Variants in FBN2 observed in about 807,000 individuals in gnomAD.
FBN2 encodes the protein fibrillin 2.
In FBN2, 105 loss-of-function variants were observed where a neutral mutation model predicts 355.6. The ratio of observed to expected loss-of-function variants is 0.30; its 90% CI spans 0.25 to 0.35. The LOEUF is 0.35. Among genes scored for constraint, FBN2 ranks in the 10% least tolerant of loss-of-function variants. The probability of loss-of-function intolerance (pLI) is 1.00; values close to 1 mark genes in which losing one functional copy is unlikely to be tolerated. For missense variants in FBN2, 3,280 were observed against 3,758.7 expected (o/e 0.87, Z 3.33); for synonymous variants, 1,350 against 1,301.2 (o/e 1.04, Z -0.81).
In FBN2 at chr5:128,312,725, C is replaced by G; in HGVS notation, c.4788G>C (p.Glu1596Asp). ...RGDGSLSCNT[E>D]IGVGVSRSSC... is the part of the protein sequence containing the mutation. ...AAGAGCGACTGACGCCCACCCCGAT[C>G]TCGGTGTTGCAAGACAGACTCCCAT... The change falls in exon 37 of 65, where the codon GAG becomes GAC. Residue 1596 changes from glutamate (E) to aspartate (D), a missense_variant. Glu to Asp is a conservative substitution (Grantham distance 45). Around this residue, in one of 6 missense-constraint regions of FBN2, gnomAD observed 2,284 missense variants for 2,749.5 expected, o/e 0.83. Coordinates refer to ENST00000262464, the MANE Select transcript of FBN2 (RefSeq NM_001999.4). 6.2e-7 allele frequency: 1 copy of G among 1,614,026 alleles called. No homozygotes were observed. The highest frequency in any genetic ancestry group is 1.1e-5 in the South Asian group (1 of 91,070).
intron 7 of FBN2, among the ~76,000 whole-genome samples, chr5:128,445,850 A>C (rs1165121021): frequency 6.6e-6 from 1 of 152,158 alleles, no homozygotes; most frequent in Admixed American, 6.5e-5. Context: ...ATAACAAATA[A>C]ATTTATTCTA....
At chr5:128,426,592 A>G (rs1753488167) in intron 7 of FBN2, among the ~76,000 whole-genome samples, 1 of 152,176 alleles carries the variant, frequency 6.6e-6, no homozygotes, top group African/African-American at 2.4e-5. Context: ...AGGTTTTCCA[A>G]TCCCCTTCAG....
intron 34 of FBN2, among the ~76,000 whole-genome samples, chr5:128,321,573 G>A (rs1268052681): frequency 6.6e-6 from 1 of 152,164 alleles, no homozygotes; most frequent in Non-Finnish European, 1.5e-5. Flanking sequence ...TTAGTTTGCT[G>A]AGAATGATGG....
At chr5:128,523,412 C>T (rs1312278537) in intron 4 of FBN2, among the ~76,000 whole-genome samples, 1 of 152,100 alleles carries the variant, frequency 6.6e-6, no homozygotes, top group Non-Finnish European at 1.5e-5. Context: ...CCCCATCTCA[C>T]AATGTTGGGC....
intron 3 of FBN2, among the ~76,000 whole-genome samples, chr5:128,530,105 C>T (rs1196936016): frequency 2.6e-5 from 4 of 152,160 alleles, no homozygotes; most frequent in South Asian, 4.1e-4. Context: ...GATTAATCTT[C>T]GACCTTAAGG....
At position 128,287,423 on chromosome 5, in the gene FBN2, G is replaced by A. The variant is rs140044610; in HGVS notation, c.6765C>T (p.Asn2255=). 7.1e-5 allele frequency: 114 copies of A among 1,613,790 alleles called. No homozygotes were observed. The South Asian group carries it at 1.1e-3, about 16-fold the overall frequency. The change falls in exon 54 of 65, where the codon AAC becomes AAT. Residue 2255 remains asparagine, a synonymous_variant. Transcript: ENST00000262464. ...PGPMMNCEDI[N]ECAQNPLLCA... Reference sequence around the variant, plus strand: ...ACAGCAGTGGGTTCTGGGCACATTCGTTGATATCTGACCAAAGGAATGGAC... The same window carrying A: ...ACAGCAGTGGGTTCTGGGCACATTCATTGATATCTGACCAAAGGAATGGAC...
At chr5:128,448,826 T>C (rs923941012) in intron 6 of FBN2, among the ~76,000 whole-genome samples, 9 of 152,158 alleles carry the variant, frequency 5.9e-5, no homozygotes, top group African/African-American at 2.2e-4. Context: ...TATATTGGAA[T>C]TGTTGGAATT....
chr5:128,265,541 G>C (rs1765094202), intron 62 of FBN2, among the ~76,000 whole-genome samples: 1 of 152,070 alleles, frequency 6.6e-6, no homozygotes, highest in South Asian at 2.1e-4. Flanking sequence ...GAATTATTGT[G>C]AACAGGCTAC....
chr5:128,302,553 T>G (rs1397022024), intron 46 of FBN2, among the ~76,000 whole-genome samples: 6 of 152,216 alleles, frequency 3.9e-5, no homozygotes. Context: ...TGAAATGTCA[T>G]GACAGGTGTA....
At chr5:128,507,128 G>T (rs114906636) in intron 5 of FBN2, among the ~76,000 whole-genome samples, 46 of 152,178 alleles carry the variant, frequency 3.0e-4, no homozygotes, top group Non-Finnish European at 5.3e-4. Flanking sequence ...ACTTTCTAGA[G>T]AAATCTACAT....
chr5:128,318,328 G>A lies in FBN2; in HGVS notation c.4595-57C>T, dbSNP rs1200026641. 15 of 1,591,186 alleles carry A rather than the reference G, an allele frequency of 9.4e-6. No individual in the cohort carries two copies. In the East Asian group the frequency reaches 3.1e-4, roughly 33 times the overall value. ...CATTTTTACTTTTTCTGTGCATACT[G>A]CTGTTCCAAAGAATTTGGTGGAATT... On this transcript the variant is annotated intron_variant, in intron 35 of 64. Coordinates refer to ENST00000262464, the MANE Select transcript of FBN2 (RefSeq NM_001999.4).
chr5:128,351,249 A>T (rs1270177359), intron 20 of FBN2, among the ~76,000 whole-genome samples: 4 of 151,928 alleles, frequency 2.6e-5, no homozygotes, highest in Admixed American at 2.6e-4. Context: ...GAATACTTTA[A>T]AAGTTTTAAT....
rs1426344874 is a variant in FBN2, at chr5:128,393,195, G to A, written c.1405C>T (p.Pro469Ser). 6.2e-7 allele frequency: 1 copy of A among 1,614,160 alleles called. No homozygotes were observed. The highest frequency in any genetic ancestry group is 8.5e-7 in the Non-Finnish European group (1 of 1,180,018). Residue 469 changes from proline to serine, a missense_variant, in exon 10 of 65, where the codon CCT becomes TCT. This residue lies in a region of FBN2 where 343 missense variants were observed against 331.0 expected (regional missense o/e 1.04). Coordinates refer to ENST00000262464, the MANE Select transcript of FBN2 (RefSeq NM_001999.4). ...CCCACACCGGCTCCCCCAACGCCAG[G>A]AGAAAAGCCATTGCCTCCAGGGATG... ...IPIPGGNGFS[P>S]GVGGAGVGAG...
chr5:128,278,273 T>TG (rs1483292587), intron 57 of FBN2, among the ~76,000 whole-genome samples: 1 of 152,136 alleles, frequency 6.6e-6, no homozygotes, highest in Non-Finnish European at 1.5e-5. Flanking sequence ...TGAATGATTT[T>TG]GGGGGGAATC....
At chr5:128,365,592 C>T (rs983341385) in intron 17 of FBN2, among the ~76,000 whole-genome samples, 10 of 151,560 alleles carry the variant, frequency 6.6e-5, no homozygotes, top group African/African-American at 2.4e-4. Flanking sequence ...AACATTACTG[C>T]CTACCATCTA....
chr5:128,374,777 C>G, intron 14 of FBN2, 27 bp from the exon 15 acceptor site: 4 of 1,613,540 alleles, frequency 2.5e-6, no homozygotes, highest in Non-Finnish European at 3.4e-6. Context: ...AGAAGCCAAG[C>G]AGTTACTGGG....
intron 5 of FBN2, among the ~76,000 whole-genome samples, chr5:128,486,517 T>C (rs1755341331): frequency 6.6e-6 from 1 of 152,186 alleles, no homozygotes; most frequent in Non-Finnish European, 1.5e-5. Context: ...CCACTGTTGT[T>C]CTTGTATGTC....
chr5:128,449,740 C>A (rs1447252598), intron 6 of FBN2, among the ~76,000 whole-genome samples: 5 of 151,336 alleles, frequency 3.3e-5, no homozygotes, highest in African/African-American at 4.9e-5. Context: ...ACGAAAAATT[C>A]CATTAAAAAG....
chr5:128,458,738 CT>C (rs1207384190), intron 6 of FBN2, among the ~76,000 whole-genome samples: 1 of 152,118 alleles, frequency 6.6e-6, no homozygotes. Flanking sequence ...TCAAGAAGTT[CT>C]TTGAAACTAA....
Sources: gnomAD v4.1 joint callset for allele counts (sites outside exome capture counted in the v4.1 genomes callset) on GRCh38, gnomAD v4.1.1 for gene constraint, gnomAD v4.1.1 regional missense constraint, MANE v1.5 for transcripts, NCBI Gene and HGNC (gene_info 2026-07-23, HGNC 2026-07-21) for gene names.